MCF2L2: variants seen among roughly 807,000 people sequenced by gnomAD.
MCF2L2 encodes MCF.2 cell line derived transforming sequence-like 2, also known as probable guanine nucleotide exchange factor MCF2L2.
MCF2L2 carries 102 observed loss-of-function variants against 150.2 expected under a neutral mutation model. The ratio of observed to expected loss-of-function variants is 0.68; its 90% CI spans 0.58 to 0.80. The LOEUF (loss-of-function observed/expected upper bound fraction) is 0.80. MCF2L2 is among the 30% of genes least tolerant of loss of function. The pLI is 0.00. For synonymous variants in MCF2L2, 465 were observed against 491.3 expected, an observed-to-expected ratio of 0.95 and a Z score of 0.71; for missense variants, 1,256 against 1,372.8, an observed-to-expected ratio of 0.91 and a Z score of 1.34.
At chr3:183,365,493 C>T (rs1712468054) in intron 3 of MCF2L2, among the ~76,000 whole-genome samples, 1 of 152,116 alleles carries the variant, frequency 6.6e-6, no homozygotes, top group Non-Finnish European at 1.5e-5. Context: ...GACAGACACA[C>T]CAATTAATTC....
At chr3:183,374,787 C>T (rs1713099030) in intron 3 of MCF2L2, 1 of 152,098 alleles carries the variant, frequency 6.6e-6, no homozygotes, top group African/African-American at 2.4e-5. Flanking sequence ...GGGCTGTGTT[C>T]AAAGCTCTTC....
In MCF2L2 at chr3:183,300,192, G is replaced by A. The variant is rs986858106; in HGVS notation, c.1118C>T (p.Pro373Leu). ...HKKLEEKSQE[P>L]LEKAQLLALV... ...TGCCAGCAGCTGGGCCTTTTCCAGG[G>A]GCTCCTGCAAAGTGAACACCCACAG... Residue 373 changes from proline (P) to leucine (L), a missense_variant, in exon 11 of 30, where the codon CCC becomes CTC. By Grantham distance (98) the Pro-to-Leu change is moderately conservative. Transcript: ENST00000328913. 2 of 1,601,148 alleles carry A rather than the reference G, an allele frequency of 1.2e-6. No homozygotes were observed. The highest frequency in any genetic ancestry group is 1.8e-5 in the Admixed American group (1 of 55,950).
intron 1 of MCF2L2, among the ~76,000 whole-genome samples, chr3:183,421,736 T>C (rs1415004304): frequency 6.6e-6 from 1 of 152,264 alleles, no homozygotes; most frequent in Admixed American, 6.5e-5. Context: ...GGTTCAAAAC[T>C]GGACATTTTA....
chr3:183,269,074 T>A lies in MCF2L2; in HGVS notation c.1862+7798A>T, dbSNP rs76573537. Among the ~76,000 whole-genome samples the A allele has an allele frequency of 1.2e-4, 18 of 152,228 alleles. No individual in the cohort carries two copies. The East Asian group carries it at 3.5e-3, about 29-fold the overall frequency. On this transcript the variant is annotated intron_variant, in intron 15 of 29. Coordinates refer to ENST00000328913, the MANE Select transcript of MCF2L2 (RefSeq NM_015078.4). ...CTGCCTTGTCTGGGGCAAGCCTTAA[T>A]GGATTTTTACTGCTGTGAATTTTCT...
Position 183,207,772 on chromosome 3 carries a change from A to G in MCF2L2, c.2548T>C (p.Trp850Arg). 2 of 1,614,244 alleles carry G rather than the reference A, an allele frequency of 1.2e-6. No homozygotes were observed. Among genetic ancestry groups the G allele is most frequent in the Non-Finnish European group, 1.7e-6 (2 of 1,180,038 alleles). The change falls in exon 23 of 30, where the codon TGG (tryptophan) becomes CGG (arginine). Residue 850 changes from tryptophan to arginine, a missense_variant. Physicochemically the swap from Trp to Arg is moderately radical, Grantham distance 101. Transcript: ENST00000328913. ...TTATAACGATCCTTGTGAATTGTCC[A>G]GACGCTGAAAGGGCCGTGCAGCAAC... is the stretch of plus-strand genomic sequence containing the variant. ...KLLLHGPFSV[W>R]TIHKDRYKMK...
chr3:183,357,744 C>T (rs1308400304), intron 3 of MCF2L2, among the ~76,000 whole-genome samples: 1 of 151,890 alleles, frequency 6.6e-6, no homozygotes, highest in Non-Finnish European at 1.5e-5. Flanking sequence ...GCATCAAAGG[C>T]AGGTTCCCCA....
chr3:183,359,900 C>T (rs1712021129), intron 3 of MCF2L2, among the ~76,000 whole-genome samples: 1 of 152,204 alleles, frequency 6.6e-6, no homozygotes, highest in South Asian at 2.1e-4. Flanking sequence ...TGATGTCTAA[C>T]CTTCTTACAT....
intron 21 of MCF2L2, among the ~76,000 whole-genome samples, chr3:183,217,020 C>T (rs375080142): frequency 2.0e-5 from 3 of 150,642 alleles, no homozygotes; most frequent in Non-Finnish European, 4.4e-5. Flanking sequence ...TATGGCCGGG[C>T]GGGTGGCTCA....
chr3:183,262,565 C>T lies in MCF2L2; in HGVS notation c.1862+14307G>A, dbSNP rs368382623. ...TGGCTCCCTTGTCTCCCCCTAGTCC[C>T]GGCCCGATCAGTATGTTTTATAGAG... On this transcript the variant is annotated intron_variant, in intron 15 of 29. Transcript: ENST00000328913. Among the ~76,000 whole-genome samples, 25 of 152,112 alleles carry T rather than the reference C, an allele frequency of 1.6e-4. 1 individual carries two copies. Among genetic ancestry groups the T allele is most frequent in the African/African-American group, 5.5e-4 (23 of 41,498 alleles).
chr3:183,225,545 T>C (rs972975454), intron 18 of MCF2L2: 9 of 152,262 alleles, frequency 5.9e-5, no homozygotes, highest in Non-Finnish European at 1.0e-4. Context: ...CAAGAATACA[T>C]ACTTGCTTAC....
At chr3:183,324,891 A>G (rs1456155717) in intron 5 of MCF2L2, among the ~76,000 whole-genome samples, 1 of 151,776 alleles carries the variant, frequency 6.6e-6, no homozygotes, top group East Asian at 2.0e-4. Flanking sequence ...ACAATGATAG[A>G]CTGGATTAAG....
At chr3:183,268,409 C>T (rs566333579) in intron 15 of MCF2L2, among the ~76,000 whole-genome samples, 1 of 152,076 alleles carries the variant, frequency 6.6e-6, no homozygotes, top group South Asian at 2.1e-4. Flanking sequence ...AGGGGATCAT[C>T]TAGTCTGGGT....
chr3:183,198,645 C>T (rs1399235444), intron 25 of MCF2L2, among the ~76,000 whole-genome samples: 2 of 152,146 alleles, frequency 1.3e-5, no homozygotes, highest in Non-Finnish European at 2.9e-5. Flanking sequence ...TACCTAGAAA[C>T]CTTAATAAGC....
intron 14 of MCF2L2, among the ~76,000 whole-genome samples, chr3:183,282,932 G>A (rs1309837784): frequency 6.6e-6 from 1 of 152,170 alleles, no homozygotes; most frequent in African/African-American, 2.4e-5. Flanking sequence ...GGGTATAGGT[G>A]CTCTTAACAA....
intron 13 of MCF2L2, among the ~76,000 whole-genome samples, chr3:183,291,296 C>T (rs976644297): frequency 6.6e-6 from 1 of 152,198 alleles, no homozygotes; most frequent in African/African-American, 2.4e-5. Flanking sequence ...TCAAACCTTG[C>T]TCTTCCATGC....
At position 183,207,652 on chromosome 3, in the gene MCF2L2, C is replaced by T. The variant is rs757506856; in HGVS notation, c.2668G>A (p.Asp890Asn). 5.0e-6 allele frequency: 8 copies of T among 1,613,968 alleles called. No individual in the cohort carries two copies. Among genetic ancestry groups the T allele is most frequent in the Non-Finnish European group, 6.8e-6 (8 of 1,179,932 alleles). ...CTGTAATGAGGAGATAATCCCTGGT[C>T]CCCAGGCTCCATTCGTATCTTACAG... ...VFCKIRMEPG[D>N]QGLSPHYSFK... Residue 890 changes from aspartate to asparagine, a missense_variant, in exon 23 of 30, where the codon GAC becomes AAC. Physicochemically the swap from Asp to Asn is conservative, Grantham distance 23 (BLOSUM62 1). Coordinates refer to ENST00000328913, the MANE Select transcript of MCF2L2 (RefSeq NM_015078.4).
At position 183,187,990 on chromosome 3, in the gene MCF2L2, G is replaced by A. The variant is rs748232507; in HGVS notation, c.3016+5009C>T. 2.6e-4 allele frequency among the ~76,000 whole-genome samples: 39 copies of A among 152,324 alleles called. No homozygotes were observed. The East Asian group carries it at 2.7e-3, about 11-fold the overall frequency. The stretch of plus-strand genomic sequence containing the variant: ...GTGGAAGGAGAAACGGGTCCTAGTC[G>A]TGGTGAGGAGGTAGGGCTGCTGCTT... On this transcript the variant is annotated intron_variant, in intron 27 of 29. Coordinates refer to ENST00000328913, the MANE Select transcript of MCF2L2 (RefSeq NM_015078.4).
rs199513305 is a variant in MCF2L2, at chr3:183,179,513, C to T, written c.3222-10G>A. ...GGTGCTGCGGGTCGCCCTGCAATTC[C>T]GAGAAGAAAGTCAGAGACGCCGTGG... On this transcript the variant is annotated splice_polypyrimidine_tract_variant and intron_variant, in intron 29 of 29. Transcript: ENST00000328913. The surrounding 1 kb of genome is among the most constrained non-coding windows in gnomAD (Gnocchi z 4.2). 1.9e-6 allele frequency: 3 copies of T among 1,610,416 alleles called. No individual in the cohort carries two copies. The highest frequency in any genetic ancestry group is 1.7e-5 in the Admixed American group (1 of 59,588).
intron 3 of MCF2L2, chr3:183,374,968 C>T (rs974767889): frequency 3.9e-5 from 6 of 152,166 alleles, no homozygotes; most frequent in African/African-American, 1.4e-4. Context: ...CCTTGCCAAC[C>T]AGGACCCATG....
Sources: gnomAD v4.1 joint callset for allele counts (sites outside exome capture counted in the v4.1 genomes callset) on GRCh38, gnomAD v4.1.1 for gene constraint, Gnocchi (gnomAD v3.1) non-coding constraint, MANE v1.5 for transcripts, NCBI Gene and HGNC (gene_info 2026-07-23, HGNC 2026-07-21) for gene names.